The following HECTD4 variants were observed in gnomAD, a reference collection of about 807,000 sequenced individuals.
The protein encoded by HECTD4 is HECT domain E3 ubiquitin protein ligase 4, also known as probable E3 ubiquitin-protein ligase HECTD4.
HECTD4 carries 114 observed loss-of-function variants against 471.5 expected under a neutral mutation model. The observed-to-expected ratio is 0.24, with a 90% confidence interval of 0.21 to 0.28. HECTD4 has a LOEUF of 0.28. Among genes scored for constraint, HECTD4 ranks in the 10% least tolerant of loss-of-function variants. The pLI, the probability that HECTD4 is intolerant of heterozygous loss-of-function variation, is 1.00. For synonymous variants in HECTD4, 2,012 were observed against 2,256.0 expected, an observed-to-expected ratio of 0.89 and a Z score of 3.07; for missense variants, 3,866 against 5,651.5, an observed-to-expected ratio of 0.68 and a Z score of 10.13.
intron 45 of HECTD4, 39 bp downstream of exon 45, chr12:112,219,347 G>A (rs1207004892): frequency 7.0e-7 from 1 of 1,420,730 alleles, no homozygotes; most frequent in Non-Finnish European, 9.9e-7. Flanking sequence ...TGATGTGTGT[G>A]GAGGCTGCAG....
chr12:112,256,259 A>C, intron 21 of HECTD4, 61 bp downstream of exon 21: 1 of 1,211,340 alleles, frequency 8.3e-7, no homozygotes, highest in Middle Eastern at 2.0e-4. Flanking sequence ...AAGAAAAATA[A>C]GAAGCATCTA....
At chr12:112,307,759 A>C (rs2035293764) in intron 6 of HECTD4, among the ~76,000 whole-genome samples, 4 of 152,218 alleles carry the variant, frequency 2.6e-5, no homozygotes, top group African/African-American at 9.6e-5. Context: ...TCTAGATGTG[A>C]CTACTCTTAG....
At chr12:112,234,796 A>G (rs2033461958) in intron 37 of HECTD4, among the ~76,000 whole-genome samples, 1 of 152,174 alleles carries the variant, frequency 6.6e-6, no homozygotes, top group African/African-American at 2.4e-5. Flanking sequence ...ATAGACAATA[A>G]TACATCGTCC....
At chr12:112,310,067 C>T (rs1408697519) in intron 4 of HECTD4, among the ~76,000 whole-genome samples, 1 of 152,112 alleles carries the variant, frequency 6.6e-6, no homozygotes, top group East Asian at 1.9e-4. Context: ...GTAAGAGAGG[C>T]ATGAGCTCTT....
rs2030981293 is a variant in HECTD4, at chr12:112,166,801, G to T, written c.12534+516C>A. The T allele has an allele frequency of 6.6e-6, 1 of 152,638 alleles. No individual in the cohort carries two copies. Among genetic ancestry groups the T allele is most frequent in the South Asian group, 2.1e-4 (1 of 4,842 alleles). 9.5% of individuals were successfully genotyped at this position (152,638 alleles called of 1,614,324 possible). On this transcript the variant is annotated intron_variant, in intron 72 of 75. Coordinates refer to ENST00000682272, the MANE Select transcript of HECTD4 (RefSeq NM_001388303.1). The surrounding 1 kb of genome is among the most constrained non-coding windows in gnomAD (Gnocchi z 4.6). ...CTCAGTGACGGCCACTGAGTGAACGGAAGGACTGTGGACTCCATCTCCCTC... is the reference window on the plus strand; with the variant it reads ...CTCAGTGACGGCCACTGAGTGAACGTAAGGACTGTGGACTCCATCTCCCTC...
intron 70 of HECTD4, 149 bp downstream of exon 70, chr12:112,169,354 G>C (rs1202432830): frequency 3.3e-6 from 3 of 911,902 alleles, no homozygotes; most frequent in Admixed American, 2.9e-5. Flanking sequence ...ACGGGCGTGA[G>C]GCCACTCTGG....
At chr12:112,273,253 T>C (rs924777972) in intron 11 of HECTD4, among the ~76,000 whole-genome samples, 4 of 152,208 alleles carry the variant, frequency 2.6e-5, no homozygotes, top group African/African-American at 4.8e-5. Flanking sequence ...CATATTAATA[T>C]TGAAAAATAC....
chr12:112,295,138 GA>G (rs1162788757), intron 7 of HECTD4, among the ~76,000 whole-genome samples: 12 of 106,564 alleles, frequency 1.1e-4, no homozygotes, highest in South Asian at 1.1e-3. Flanking sequence ...AATCCCGTCT[GA>G]AAAAAAAAAA....
At chr12:112,221,910 A>C (rs1486317218) in intron 44 of HECTD4, among the ~76,000 whole-genome samples, 2 of 145,960 alleles carry the variant, frequency 1.4e-5, no homozygotes, top group Non-Finnish European at 3.0e-5. Flanking sequence ...ACTCGCCCCC[A>C]TGCTCGGCTG....
At chr12:112,198,878 G>T (rs1046414486) in intron 55 of HECTD4, among the ~76,000 whole-genome samples, 2 of 152,062 alleles carry the variant, frequency 1.3e-5, no homozygotes, top group Admixed American at 6.6e-5. Flanking sequence ...TGATACTAGT[G>T]ACCCCTCACA....
chr12:112,163,311 C>T lies in HECTD4; in HGVS notation c.12898-47G>A. ...GTCAGGAGCCCTGGAGCCCCACCTA[C>T]CCAGTGCCTCCCCAGCCCTGGGGTC... On this transcript the variant is annotated intron_variant, in intron 74 of 75. Transcript: ENST00000682272. This position sits in a 1 kb window ranked among gnomAD's most constrained non-coding sequence, Gnocchi z 8.2. The T allele has an allele frequency of 6.6e-7, 1 of 1,525,264 alleles. No homozygotes were observed. The highest frequency in any genetic ancestry group is 8.9e-7 in the Non-Finnish European group (1 of 1,117,568). 94.5% of individuals were successfully genotyped at this position (1,525,264 alleles called of 1,614,324 possible).
Position 112,213,116 on chromosome 12 carries a change from T to C in HECTD4, c.7466-466A>G, listed in dbSNP as rs994257627. 8.5e-5 allele frequency among the ~76,000 whole-genome samples: 13 copies of C among 152,094 alleles called. No individual in the cohort carries two copies. Among genetic ancestry groups the C allele is most frequent in the South Asian group, 2.1e-4 (1 of 4,826 alleles). On this transcript the variant is annotated intron_variant, in intron 48 of 75. Transcript: ENST00000682272. The surrounding 1 kb of genome is among the most constrained non-coding windows in gnomAD (Gnocchi z 4.0). Reference sequence around the variant, plus strand: ...CAGCCTAAGTTTTTGTATTTAGATATAAAGTAACATAACAGAAACAACCCA... The same window carrying C: ...CAGCCTAAGTTTTTGTATTTAGATACAAAGTAACATAACAGAAACAACCCA...
chr12:112,171,192 A>G lies in HECTD4; in HGVS notation c.11857T>C (p.Phe3953Leu). ...TGGCGCAGCTCCACCAGGGGCAGGA[A>G]GAAGGTCTCCAGTGTGGTGTTGAGG... The part of the protein sequence containing the change: ...QSLNTTLETF[F>L]LPLVELRQTP... Residue 3953 changes from phenylalanine (F) to leucine (L), a missense_variant, in exon 68 of 76, where the codon TTC (phenylalanine) becomes CTC (leucine). By Grantham distance (22) the Phe-to-Leu change is conservative (BLOSUM62 0). Around this residue, in one of 16 missense-constraint regions of HECTD4, gnomAD observed 715 missense variants for 1,087.6 expected, o/e 0.66. Coordinates refer to ENST00000682272, the MANE Select transcript of HECTD4 (RefSeq NM_001388303.1). 1.2e-6 allele frequency: 2 copies of G among 1,613,320 alleles called. No homozygotes were observed. Among genetic ancestry groups the G allele is most frequent in the African/African-American group, 1.3e-5 (1 of 75,024 alleles).
chr12:112,264,225 T>C lies in HECTD4; in HGVS notation c.2620-13A>G, dbSNP rs751901236. 2 of 1,560,842 alleles carry C rather than the reference T, an allele frequency of 1.3e-6. No individual in the cohort carries two copies. Among genetic ancestry groups the C allele is most frequent in the Admixed American group, 3.7e-5 (2 of 54,028 alleles). On this transcript the variant is annotated splice_polypyrimidine_tract_variant and intron_variant, in intron 16 of 75. Coordinates refer to ENST00000682272, the MANE Select transcript of HECTD4 (RefSeq NM_001388303.1). ...AGGAGGATGCAGCCTTTAATACAAA[T>C]AAGGGCATTTAAATGATCTAAATCC... is the stretch of plus-strand genomic sequence containing the variant.
intron 1 of HECTD4, among the ~76,000 whole-genome samples, chr12:112,329,470 T>C (rs1295183002): frequency 1.3e-5 from 2 of 151,668 alleles, no homozygotes; most frequent in East Asian, 3.9e-4. Flanking sequence ...TGGGTTCAAA[T>C]GATTCTCGTG....
At position 112,183,100 on chromosome 12, in the gene HECTD4, C is replaced by T. The variant is rs773508801; in HGVS notation, c.10946G>A (p.Ser3649Asn). 5.0e-6 allele frequency: 8 copies of T among 1,613,668 alleles called. No individual in the cohort carries two copies. The South Asian group carries it at 8.8e-5, about 18-fold the overall frequency. ...ATTGAAATAATCTTCTAACCCTGGG[C>T]TCCCTTGAGTATCAAAGAGACTCTG... Reference protein sequence around the residue: ...VNQSLFDTQGSPGLEDYFNDK... With the variant: ...VNQSLFDTQGNPGLEDYFNDK... Residue 3649 changes from serine (S) to asparagine (N), a missense_variant, in exon 62 of 76, where the codon AGC becomes AAC. Ser to Asn is a conservative substitution (Grantham distance 46). Around this residue, in one of 16 missense-constraint regions of HECTD4, gnomAD observed 715 missense variants for 1,087.6 expected, o/e 0.66. Transcript: ENST00000682272.
intron 54 of HECTD4, chr12:112,202,889 G>C (rs2032468446): frequency 6.6e-6 from 1 of 152,222 alleles, no homozygotes; most frequent in African/African-American, 2.4e-5. Context: ...TCATTTTACA[G>C]ATAGGGAAAT....
At chr12:112,260,547 T>G (rs1402086005) in intron 18 of HECTD4, among the ~76,000 whole-genome samples, 2 of 152,022 alleles carry the variant, frequency 1.3e-5, no homozygotes, top group East Asian at 3.9e-4. Flanking sequence ...AACACAGTAT[T>G]CAATGCATCT....
intron 1 of HECTD4, among the ~76,000 whole-genome samples, chr12:112,375,299 C>G (rs142838242): frequency 6.6e-6 from 1 of 152,170 alleles, no homozygotes; most frequent in Non-Finnish European, 1.5e-5. Flanking sequence ...CACCTGCTGA[C>G]GGACATTTGG....
Sources: allele counts gnomAD v4.1 joint callset (sites outside exome capture counted in the v4.1 genomes callset), GRCh38; gene constraint gnomAD v4.1.1; regional missense constraint gnomAD v4.1.1; non-coding constraint Gnocchi (gnomAD v3.1); transcripts MANE v1.5; gene names NCBI Gene and HGNC (gene_info 2026-07-23, HGNC 2026-07-21).